The following FARS2 variants were observed in gnomAD, a reference collection of about 807,000 sequenced individuals.
FARS2 encodes the protein phenylalanyl-tRNA synthetase 2, mitochondrial, also known as phenylalanine--tRNA ligase, mitochondrial.
Under a neutral mutation model 46.4 loss-of-function variants are expected in FARS2, and 40 were observed. The observed-to-expected ratio is 0.86, with a 90% CI of 0.67 to 1.12. The LOEUF is 1.12. FARS2 is among the 50% of genes most tolerant of loss of function. The pLI, the probability that FARS2 is intolerant of heterozygous loss-of-function variation, is 0.00. For missense variants in FARS2, 513 were observed against 567.9 expected (o/e 0.90, Z 0.98); for synonymous variants, 234 against 214.9 (o/e 1.09, Z -0.78).
At chr6:5,260,149 T>A (rs1764934754), upstream of FARS2, among the ~76,000 whole-genome samples, 1 of 152,160 alleles carries the variant, frequency 6.6e-6, no homozygotes, top group African/African-American at 2.4e-5. Context: ...CTAAATAGAA[T>A]GGATTCTTGC....
chr6:5,315,805 G>T (rs552841286), intron 1 of FARS2, among the ~76,000 whole-genome samples: 3 of 125,632 alleles, frequency 2.4e-5, no homozygotes, highest in Non-Finnish European at 5.4e-5. Context: ...AATACCTAAC[G>T]CATTTGTGAT....
At chr6:5,516,668 A>G (rs1420161474) in intron 4 of FARS2, among the ~76,000 whole-genome samples, 1 of 152,220 alleles carries the variant, frequency 6.6e-6, no homozygotes, top group Non-Finnish European at 1.5e-5. Context: ...AAAGTTTTAA[A>G]ATTTCTTTAT....
chr6:5,382,553 A>G (rs775425670), intron 2 of FARS2, among the ~76,000 whole-genome samples: 4 of 152,222 alleles, frequency 2.6e-5, no homozygotes, highest in African/African-American at 4.8e-5. Context: ...ATCCATAATG[A>G]TGTAGCTAGA....
At chr6:5,597,281 TG>T (rs1774254480) in intron 5 of FARS2, among the ~76,000 whole-genome samples, 2 of 152,300 alleles carry the variant, frequency 1.3e-5, no homozygotes, top group South Asian at 4.1e-4. Context: ...TGGCTGTCTT[TG>T]GGAAGGGGAG....
At chr6:5,680,076 T>C (rs746075462) in intron 6 of FARS2, among the ~76,000 whole-genome samples, 6 of 152,246 alleles carry the variant, frequency 3.9e-5, no homozygotes, top group Non-Finnish European at 8.8e-5. Context: ...TCCTTCTTGC[T>C]ACATAATCAC....
chr6:5,573,044 T>C (rs1305276152), intron 5 of FARS2, among the ~76,000 whole-genome samples: 1 of 152,222 alleles, frequency 6.6e-6, no homozygotes, highest in African/African-American at 2.4e-5. Context: ...TCCTATCCAG[T>C]CTGCCTCGCC....
At chr6:5,354,577 G>C (rs941096011) in intron 1 of FARS2, among the ~76,000 whole-genome samples, 1 of 150,094 alleles carries the variant, frequency 6.7e-6, no homozygotes, top group Non-Finnish European at 1.5e-5. Context: ...GCAGTGGCAC[G>C]ATCTCTGCTC....
intron 6 of FARS2, among the ~76,000 whole-genome samples, chr6:5,656,268 G>A (rs1231751361): frequency 6.6e-6 from 1 of 152,194 alleles, no homozygotes; most frequent in African/African-American, 2.4e-5. Context: ...TGCTGTGGAA[G>A]CCTTGACCTC....
chr6:5,355,125 C>G (rs1324898088), intron 1 of FARS2, among the ~76,000 whole-genome samples: 6 of 152,022 alleles, frequency 3.9e-5, no homozygotes, highest in African/African-American at 1.2e-4. Context: ...TATCCTACTT[C>G]CTGTAGCTCC....
chr6:5,713,805 G>A (rs1759326942), intron 6 of FARS2, among the ~76,000 whole-genome samples: 1 of 152,228 alleles, frequency 6.6e-6, no homozygotes, highest in African/African-American at 2.4e-5. Context: ...ATTCGGCCCA[G>A]GTGTAACACG....
intron 5 of FARS2, among the ~76,000 whole-genome samples, chr6:5,610,626 A>G (rs553352576): frequency 5.3e-5 from 8 of 152,318 alleles, no homozygotes; most frequent in Admixed American, 2.0e-4. Flanking sequence ...CCTGGAATCA[A>G]TCCCCCTCAG....
At chr6:5,699,841 G>A (rs1337734236) in intron 6 of FARS2, among the ~76,000 whole-genome samples, 3 of 152,096 alleles carry the variant, frequency 2.0e-5, no homozygotes, top group African/African-American at 7.2e-5. Context: ...CCAGTTTCCA[G>A]GTCTGGACTG....
At chr6:5,564,423 T>G (rs2326647) in intron 5 of FARS2, among the ~76,000 whole-genome samples, 6,025 of 152,286 alleles carry the variant, frequency 0.04, 168 homozygotes, top group Non-Finnish European at 0.061. Context: ...CATCCCTTTT[T>G]TTTGTTTGTT....
intron 4 of FARS2, among the ~76,000 whole-genome samples, chr6:5,532,655 G>A (rs145445874): frequency 2.9e-4 from 44 of 152,278 alleles, no homozygotes; most frequent in Admixed American, 5.9e-4. Flanking sequence ...GGAGGCTGAG[G>A]CAGGAGAATT....
chr6:5,448,204 T>G (rs2150257128), intron 4 of FARS2, among the ~76,000 whole-genome samples: 1 of 152,294 alleles, frequency 6.6e-6, no homozygotes, highest in African/African-American at 2.4e-5. Flanking sequence ...GACTCTGTGC[T>G]GTTGTTATTG....
chr6:5,758,526 C>T (rs1042085763), intron 6 of FARS2, among the ~76,000 whole-genome samples: 1 of 152,180 alleles, frequency 6.6e-6, no homozygotes, highest in African/African-American at 2.4e-5. Flanking sequence ...CGCACCAACT[C>T]ACTTCTCTTA....
chr6:5,470,364 C>T (rs1234659739), intron 4 of FARS2, among the ~76,000 whole-genome samples: 1 of 152,126 alleles, frequency 6.6e-6, no homozygotes, highest in Admixed American at 6.5e-5. Context: ...AATACTATGC[C>T]ATTTTATATG....
chr6:5,441,768 C>T (rs149836767), intron 4 of FARS2, among the ~76,000 whole-genome samples: 328 of 152,266 alleles, frequency 2.2e-3, no homozygotes, highest in African/African-American at 7.3e-3. Context: ...TTTTACCTAG[C>T]GGTAGAATTG....
chr6:5,599,735 AT>A (rs1774403407), intron 5 of FARS2, among the ~76,000 whole-genome samples: 1 of 152,200 alleles, frequency 6.6e-6, no homozygotes, highest in African/African-American at 2.4e-5. Flanking sequence ...TACTTTTGGC[AT>A]TTTTATTCTG....
Sources: gnomAD v4.1 joint callset for allele counts (sites outside exome capture counted in the v4.1 genomes callset) on GRCh38, gnomAD v4.1.1 for gene constraint, MANE v1.5 for transcripts, NCBI Gene and HGNC (gene_info 2026-07-23, HGNC 2026-07-21) for gene names.